EEF1D: variants seen among roughly 807,000 people sequenced by gnomAD.
EEF1D encodes the protein eukaryotic translation elongation factor 1 delta, also known as elongation factor 1-delta.
A neutral mutation model predicts 63.9 loss-of-function variants in EEF1D; 47 were observed. The observed-to-expected ratio is 0.74, with a 90% CI of 0.58 to 0.94. EEF1D has a LOEUF of 0.94. Ranked by LOEUF, EEF1D falls within the 40% of genes least tolerant of loss-of-function variation. EEF1D has a pLI of 0.00. For missense variants in EEF1D, 907 were observed against 899.0 expected (o/e 1.01, Z -0.11); for synonymous variants, 412 against 386.1 (o/e 1.07, Z -0.79).
intron 5 of EEF1D, among the ~76,000 whole-genome samples, chr8:143,585,488 G>A (rs749993368): frequency 4.6e-5 from 7 of 152,216 alleles, no homozygotes; most frequent in African/African-American, 7.2e-5. Context: ...CTGGAAACCC[G>A]GCATGATACA....
intron 2 of EEF1D, chr8:143,590,733 T>C (rs1163950366): frequency 1.4e-5 from 3 of 218,098 alleles, no homozygotes; most frequent in Non-Finnish European, 2.3e-5. Flanking sequence ...TGAAACCCTG[T>C]CTCTACTAAA....
rs751616584 is a variant in EEF1D, at chr8:143,586,256, G to A, written c.1250C>T (p.Ala417Val). The A allele has an allele frequency of 8.1e-6, 13 of 1,608,952 alleles. No homozygotes were observed. The highest frequency in any genetic ancestry group is 3.3e-5 in the South Asian group (3 of 90,388). Residue 417 changes from alanine (A) to valine (V), a missense_variant, in exon 5 of 10, where the codon GCG becomes GTG. By Grantham distance (64) the Ala-to-Val change is moderately conservative (BLOSUM62 0). Transcript: ENST00000618139. ...TTTCTGGATGTTCTCTCTGGCTCTCGCAATGTCACGGAGGATCACGCTGGC... is the reference window on the plus strand; with the variant it reads ...TTTCTGGATGTTCTCTCTGGCTCTCACAATGTCACGGAGGATCACGCTGGC... The part of the protein sequence containing the change: ...NGASVILRDI[A>V]RARENIQKSL...
At chr8:143,584,577 A>AC (rs1230290912) in intron 5 of EEF1D, among the ~76,000 whole-genome samples, 1 of 150,682 alleles carries the variant, frequency 6.6e-6, no homozygotes, top group Middle Eastern at 3.2e-3. Flanking sequence ...CAACTCACCC[A>AC]CCCCCTCCAA....
At chr8:143,590,257 T>G (rs1424544192) in intron 2 of EEF1D, 176 bp from the exon 3 acceptor site, 1 of 986,098 alleles carries the variant, frequency 1.0e-6, no homozygotes, top group African/African-American at 1.6e-5. Context: ...GACTTCGAAG[T>G]CAAGCCCATG....
intron 5 of EEF1D, 76 bp from the exon 6 acceptor site, chr8:143,581,404 G>T (rs529426510): frequency 1.5e-6 from 2 of 1,338,302 alleles, no homozygotes; most frequent in Admixed American, 2.2e-5. Context: ...AGGACTGCAG[G>T]AACTCACGGA....
intron 3 of EEF1D, 38 bp downstream of exon 3, chr8:143,588,953 A>AGCCCAGGCTGGGTGCCCACC (rs1179203818): frequency 6.4e-7 from 1 of 1,571,286 alleles, no homozygotes. Context: ...CTGTGCCCAC[A>AGCCCAGGCTGGGTGCCCACC]GCCCAGGCTG....
chr8:143,586,935 G>A, intron 3 of EEF1D, 83 bp from the exon 4 acceptor site: 4 of 1,567,360 alleles, frequency 2.6e-6, no homozygotes, highest in African/African-American at 1.4e-5. Flanking sequence ...AAGGTGCAGT[G>A]GGGCTGACAC....
rs1826541213 is a variant in EEF1D at position 143,586,119 on chromosome 8, ACT to A, written c.1287+98_1287+99del. The A allele has an allele frequency of 5.4e-6, 6 of 1,109,498 alleles. No homozygotes were observed. In the East Asian group the frequency reaches 1.3e-4, roughly 24 times the overall value. The allele number at this position is 1,109,498 out of a possible 1,614,324, so 68.7% of individuals were successfully genotyped here. On this transcript the variant is annotated intron_variant, in intron 5 of 9. Transcript: ENST00000618139. ...GCACAGCGCCGTGCACCCTGCCCTG[ACT>A]CTGCTGTGAAGCCAAAACAACCAGC...
intron 1 of EEF1D, chr8:143,596,651 C>G (rs914653744): frequency 2.0e-5 from 3 of 152,318 alleles, no homozygotes; most frequent in Non-Finnish European, 4.4e-5. Context: ...CACAGTTCTT[C>G]TGCTGCCAGG....
chr8:143,587,037 G>T, intron 3 of EEF1D, 185 bp from the exon 4 acceptor site: 1 of 722,654 alleles, frequency 1.4e-6, no homozygotes. Context: ...TTCCAGACGA[G>T]GAGTTCTCAA....
At chr8:143,588,845 C>A in intron 3 of EEF1D, 146 bp downstream of exon 3, 1 of 1,096,132 alleles carries the variant, frequency 9.1e-7, no homozygotes, top group Non-Finnish European at 1.3e-6. Flanking sequence ...CAGCCTGCTC[C>A]TGCATTCAAC....
intron 2 of EEF1D, chr8:143,590,490 CCACAGG>C: frequency 8.6e-7 from 1 of 1,166,730 alleles, no homozygotes; most frequent in Admixed American, 3.7e-5. Flanking sequence ...CTGCATTTTT[CCACAGG>C]CCAGGCCTGG....
intron 5 of EEF1D, among the ~76,000 whole-genome samples, chr8:143,585,047 C>G (rs1340875066): frequency 6.6e-6 from 1 of 152,130 alleles, no homozygotes; most frequent in Non-Finnish European, 1.5e-5. Flanking sequence ...GTGGGGGACC[C>G]AGGCTTCTGC....
rs1297338083 is a variant in EEF1D at position 143,581,086 on chromosome 8, G to A, written c.1456C>T (p.Pro486Ser). Residue 486 changes from proline (P) to serine (S), a missense_variant, in exon 7 of 10, where the codon CCT becomes TCT. Transcript: ENST00000618139. Reference sequence around the variant, plus strand: ...TGTGGGGCCGTGGCCCGGTGGCCAGGCGAGCTCTTCTCCAGCACGTTCAGC... The same window carrying A: ...TGTGGGGCCGTGGCCCGGTGGCCAGACGAGCTCTTCTCCAGCACGTTCAGC... ...ARLNVLEKSS[P>S]GHRATAPQTQ... 6.2e-7 allele frequency: 1 copy of A among 1,612,446 alleles called. No homozygotes were observed. Among genetic ancestry groups the A allele is most frequent in the South Asian group, 1.1e-5 (1 of 91,050 alleles).
chr8:143,588,798 T>C (rs568375845), intron 3 of EEF1D, 193 bp downstream of exon 3: 421 of 738,634 alleles, frequency 5.7e-4, no homozygotes, highest in Non-Finnish European at 8.6e-4. Context: ...CCTCAAGCAG[T>C]GTCCCTGGAA....
Position 143,580,531 on chromosome 8 carries a change from G to A in EEF1D, c.1685C>T (p.Ser562Phe), listed in dbSNP as rs756955965. 1.2e-6 allele frequency: 2 copies of A among 1,612,918 alleles called. No individual in the cohort carries two copies. The highest frequency in any genetic ancestry group is 1.1e-5 in the South Asian group (1 of 91,050). Reference sequence around the variant, plus strand: ...AGGCTTGACATCCAGCAGGATGGAGGACTTGGCCACCAGTGCAGGCTTCTT... The same window carrying A: ...AGGCTTGACATCCAGCAGGATGGAGAACTTGGCCACCAGTGCAGGCTTCTT... ...KAKKPALVAK[S>F]SILLDVKPWD... The change falls in exon 8 of 10, where the codon TCC becomes TTC. Residue 562 changes from serine to phenylalanine, a missense_variant. Transcript: ENST00000618139.
chr8:143,593,110 C>T (rs1042945555), intron 1 of EEF1D, among the ~76,000 whole-genome samples: 3 of 152,138 alleles, frequency 2.0e-5, no homozygotes, highest in African/African-American at 4.8e-5. Flanking sequence ...CCCCTGTGTC[C>T]GGTCTGCTGA....
At chr8:143,586,558 C>A (rs1826677599) in intron 4 of EEF1D, among the ~76,000 whole-genome samples, 171 bp downstream of exon 4, 1 of 152,148 alleles carries the variant, frequency 6.6e-6, no homozygotes, top group Non-Finnish European at 1.5e-5. Context: ...CAGACCCGGC[C>A]CGGGGGCCCG....
At chr8:143,595,233 C>A in intron 1 of EEF1D, among the ~76,000 whole-genome samples, 1 of 46,572 alleles carries the variant, frequency 2.1e-5, no homozygotes, top group South Asian at 8.3e-4. Context: ...CCACACCTGG[C>A]TATTTTTTCA....
Sources: allele counts gnomAD v4.1 joint callset (sites outside exome capture counted in the v4.1 genomes callset), GRCh38; gene constraint gnomAD v4.1.1; transcripts MANE v1.5; gene names NCBI Gene and HGNC (gene_info 2026-07-23, HGNC 2026-07-21).